The following PLXNA4 variants were observed in gnomAD, a reference collection of about 807,000 sequenced individuals.
PLXNA4 encodes the protein plexin-A4.
Under a neutral mutation model 191.8 loss-of-function variants are expected in PLXNA4, and 44 were observed. The observed-to-expected ratio is 0.23, with a 90% confidence interval of 0.18 to 0.29. The LOEUF (loss-of-function observed/expected upper bound fraction) is 0.29, where lower values mean the gene tolerates loss of function less well. PLXNA4 is among the 10% of genes least tolerant of loss of function. PLXNA4 has a pLI of 1.00. For missense variants in PLXNA4, 1,800 were observed against 2,488.8 expected (o/e 0.72, Z 5.89); for synonymous variants, 1,082 against 1,009.5 (o/e 1.07, Z -1.36).
At chr7:132,215,962 C>T (rs557403425) in intron 9 of PLXNA4, among the ~76,000 whole-genome samples, 1 of 152,322 alleles carries the variant, frequency 6.6e-6, no homozygotes, top group East Asian at 1.9e-4. Context: ...AACAAATTAT[C>T]CAATCTGAGG....
chr7:132,317,455 G>C (rs149767212), intron 3 of PLXNA4, among the ~76,000 whole-genome samples: 5 of 152,114 alleles, frequency 3.3e-5, no homozygotes, highest in Non-Finnish European at 7.4e-5. Context: ...GAATTGGATT[G>C]AGTTGAGTTG....
At chr7:132,166,978 T>C (rs1054488304) in intron 22 of PLXNA4, among the ~76,000 whole-genome samples, 3 of 152,112 alleles carry the variant, frequency 2.0e-5, no homozygotes, top group Non-Finnish European at 1.5e-5. Context: ...ATCTATCTGC[T>C]GGACCAAGTG....
At chr7:132,384,797 A>G in intron 3 of PLXNA4, 1 of 1,120,826 alleles carries the variant, frequency 8.9e-7, no homozygotes, top group Non-Finnish European at 1.1e-6. Flanking sequence ...CACACTGGCC[A>G]GGCGACTTGG....
intron 5 of PLXNA4, among the ~76,000 whole-genome samples, chr7:132,233,907 T>G (rs1798606353): frequency 7.3e-6 from 1 of 136,242 alleles, no homozygotes; most frequent in African/African-American, 2.7e-5. Context: ...GTTCGTTTTT[T>G]TCCAGATGAT....
At chr7:132,513,280 C>G (rs1254304459) in intron 1 of PLXNA4, among the ~76,000 whole-genome samples, 2 of 151,610 alleles carry the variant, frequency 1.3e-5, no homozygotes, top group Admixed American at 6.6e-5. Flanking sequence ...TAGCAATTAC[C>G]CTGTGAAATT....
intron 2 of PLXNA4, among the ~76,000 whole-genome samples, chr7:132,602,298 C>G (rs148461464): frequency 6.6e-6 from 1 of 152,296 alleles, no homozygotes; most frequent in Non-Finnish European, 1.5e-5. Context: ...CATGAGTTGT[C>G]ATTTGGAGTC....
intron 8 of PLXNA4, among the ~76,000 whole-genome samples, chr7:132,225,666 C>T (rs1187036070): frequency 6.6e-6 from 1 of 152,002 alleles, no homozygotes; most frequent in Non-Finnish European, 1.5e-5. Flanking sequence ...AGCCTGTCTG[C>T]ACTCAGCCTG....
intron 1 of PLXNA4, among the ~76,000 whole-genome samples, chr7:132,524,668 C>T (rs886879724): frequency 3.3e-5 from 5 of 152,038 alleles, no homozygotes; most frequent in Non-Finnish European, 7.4e-5. Context: ...CTCTGCCTCC[C>T]GGGTTCATGC....
At chr7:132,476,663 T>C (rs899020783) in intron 3 of PLXNA4, among the ~76,000 whole-genome samples, 5 of 152,274 alleles carry the variant, frequency 3.3e-5, no homozygotes, top group African/African-American at 1.2e-4. Context: ...TTGGAACCCA[T>C]GGTTGGCAAG....
intron 3 of PLXNA4, among the ~76,000 whole-genome samples, chr7:132,317,903 G>C (rs1195340217): frequency 1.3e-5 from 2 of 152,196 alleles, no homozygotes; most frequent in East Asian, 3.9e-4. Context: ...GCAGGGAGTG[G>C]AGAACAAGAG....
At chr7:132,165,821 T>C (rs28480290) in intron 22 of PLXNA4, among the ~76,000 whole-genome samples, 13,344 of 151,906 alleles carry the variant, frequency 0.088, 1,335 homozygotes, top group African/African-American at 0.24. Flanking sequence ...ATGGCCAAAC[T>C]GAGTCCACAG....
intron 4 of PLXNA4, among the ~76,000 whole-genome samples, chr7:132,292,710 G>A (rs1161294258): frequency 6.6e-6 from 1 of 152,156 alleles, no homozygotes; most frequent in Non-Finnish European, 1.5e-5. Flanking sequence ...TGCCCTCCAG[G>A]AACTTATATG....
At position 132,600,884 on chromosome 7, in the gene PLXNA4, T is replaced by A. The variant is rs1802805136; in HGVS notation, c.-87+45044A>T. On this transcript the variant is annotated intron_variant, in intron 2 of 4. Transcript: ENST00000378539. ...TATTTTACCAATAATATGAAAAAAT[T>A]CACTTTTGGTTATATTAATCTTTAC... Among the ~76,000 whole-genome samples, 3 of 152,164 alleles carry A rather than the reference T, an allele frequency of 2.0e-5. No individual in the cohort carries two copies. In the South Asian group the frequency reaches 6.2e-4, roughly 32 times the overall value.
chr7:132,323,251 AC>A (rs1802243722), intron 3 of PLXNA4, among the ~76,000 whole-genome samples: 1 of 152,230 alleles, frequency 6.6e-6, no homozygotes, highest in African/African-American at 2.4e-5. Flanking sequence ...AACTCAACAG[AC>A]AGATGCCCTG....
At chr7:132,542,664 T>C (rs565939197) in intron 1 of PLXNA4, among the ~76,000 whole-genome samples, 98 of 152,354 alleles carry the variant, frequency 6.4e-4, no homozygotes, top group Non-Finnish European at 9.8e-4. Context: ...ATCCTCGATG[T>C]CTCTTACCTA....
In PLXNA4 at chr7:132,156,181, CAG is replaced by C. The variant is rs1554374049; in HGVS notation, c.4660+3290_4660+3291del. ...ACACACACACACACACACACACACA[CAG>C]ACGCACACACGCACACAACCCTTGT... On this transcript the variant is annotated intron_variant, in intron 25 of 31. Transcript: ENST00000321063. Among the ~76,000 whole-genome samples the C allele has an allele frequency of 1.9e-3, 284 of 147,804 alleles. 3 individuals are homozygous for C. The highest frequency in any genetic ancestry group is 6.4e-3 in the African/African-American group (254 of 39,916).
chr7:132,322,269 G>A (rs954899108), intron 3 of PLXNA4, among the ~76,000 whole-genome samples: 1 of 149,080 alleles, frequency 6.7e-6, no homozygotes, highest in Admixed American at 6.9e-5. Context: ...TGCAGTCTCT[G>A]CTCTTGGGTT....
At chr7:132,517,256 T>A (rs1170960171) in intron 1 of PLXNA4, among the ~76,000 whole-genome samples, 2 of 152,156 alleles carry the variant, frequency 1.3e-5, no homozygotes, top group Non-Finnish European at 2.9e-5. Flanking sequence ...AGCCTCTCCA[T>A]TTCCACATGG....
intron 5 of PLXNA4, among the ~76,000 whole-genome samples, chr7:132,238,116 T>C (rs1436706928): frequency 6.6e-6 from 1 of 152,220 alleles, no homozygotes; most frequent in Non-Finnish European, 1.5e-5. Flanking sequence ...GTGTGCCTTA[T>C]GGAGAAAATA....
Sources: gnomAD v4.1 joint callset for allele counts (sites outside exome capture counted in the v4.1 genomes callset) on GRCh38, gnomAD v4.1.1 for gene constraint, MANE v1.5 for transcripts, NCBI Gene and HGNC (gene_info 2026-07-23, HGNC 2026-07-21) for gene names.